NEMP2: variants seen among roughly 807,000 people sequenced by gnomAD.
NEMP2 encodes nuclear envelope integral membrane protein 2.
Under a neutral mutation model 54.2 loss-of-function variants are expected in NEMP2, and 53 were observed. The ratio of observed to expected loss-of-function variants is 0.98; its 90% CI spans 0.78 to 1.23. NEMP2 has a LOEUF of 1.23. Among genes scored for constraint, NEMP2 ranks in the 50% most tolerant of loss-of-function variants. The pLI is 0.00. For missense variants in NEMP2, 455 were observed against 511.3 expected (o/e 0.89, Z 1.06); for synonymous variants, 197 against 190.3 (o/e 1.04, Z -0.29).
the NEMP2 span, among the ~76,000 whole-genome samples, chr2:190,455,709 C>T: frequency 1.1e-4 from 16 of 150,676 alleles, no homozygotes; most frequent in African/African-American, 3.2e-4. Context: ...AGGGTGGGCA[C>T]GGTGCAGGGG....
chr2:190,490,549 C>T, the NEMP2 span, among the ~76,000 whole-genome samples: 5 of 149,928 alleles, frequency 3.3e-5, no homozygotes, highest in African/African-American at 9.8e-5. The surrounding 1 kb of genome is among the most constrained non-coding windows in gnomAD (Gnocchi z 4.5). Context: ...GGGGAACGAG[C>T]AAGACTCCCT....
the NEMP2 span, among the ~76,000 whole-genome samples, chr2:190,648,058 T>C: frequency 6.6e-6 from 1 of 152,228 alleles, no homozygotes; most frequent in African/African-American, 2.4e-5. Flanking sequence ...GCAAAGTTTA[T>C]GCAAACCAAA....
At chr2:190,600,378 TTATTTGTCTGGCGTGTGC>T in the NEMP2 span, among the ~76,000 whole-genome samples, 54 of 152,082 alleles carry the variant, frequency 3.6e-4, no homozygotes, top group Non-Finnish European at 5.9e-5. This position sits in a 1 kb window ranked among gnomAD's most constrained non-coding sequence, Gnocchi z 4.9. Context: ...AGACTAGAAA[TTATTTGTCTGGCGTGTGC>T]TATTGTTTGA....
chr2:190,466,554 G>A, the NEMP2 span, among the ~76,000 whole-genome samples: 1 of 152,118 alleles, frequency 6.6e-6, no homozygotes, highest in East Asian at 1.9e-4. Flanking sequence ...TATTTACTTG[G>A]ATACTTTTCC....
downstream of NEMP2, chr2:190,504,195 G>T (rs10209172): frequency 6.6e-6 from 1 of 152,040 alleles, no homozygotes; most frequent in Middle Eastern, 3.4e-3. This position sits in a 1 kb window ranked among gnomAD's most constrained non-coding sequence, Gnocchi z 5.6. Flanking sequence ...TCTGTAAAAC[G>T]GAAGTGATTA....
the NEMP2 span, among the ~76,000 whole-genome samples, chr2:190,451,171 G>A: frequency 6.6e-6 from 1 of 152,164 alleles, no homozygotes; most frequent in Admixed American, 6.5e-5. The surrounding 1 kb of genome is among the most constrained non-coding windows in gnomAD (Gnocchi z 5.0). Context: ...ATATGTACAT[G>A]TGTGCATTTG....
In NEMP2 at chr2:190,521,786, A is replaced by T. The variant is rs142064950; in HGVS notation, c.214-2603T>A. 2.5e-3 allele frequency among the ~76,000 whole-genome samples: 378 copies of T among 152,016 alleles called. 2 individuals are homozygous for T. The highest frequency in any genetic ancestry group is 0.019 in the Admixed American group (287 of 15,278). On this transcript the variant is annotated intron_variant, in intron 2 of 8. Transcript: ENST00000409150. The surrounding 1 kb of genome is among the most constrained non-coding windows in gnomAD (Gnocchi z 6.2). Reference sequence around the variant, plus strand: ...TCAACAGCACTTGGCATTGCTGATTATTCCCTTCTCCTTATTATACTTCTC... The same window carrying T: ...TCAACAGCACTTGGCATTGCTGATTTTTCCCTTCTCCTTATTATACTTCTC...
intron 1 of NEMP2, among the ~76,000 whole-genome samples, chr2:190,526,443 A>T (rs528328624): frequency 6.6e-6 from 1 of 152,358 alleles, no homozygotes; most frequent in South Asian, 2.1e-4. Flanking sequence ...GAAGTGACAG[A>T]AACACATTTG....
At chr2:190,607,455 T>C in the NEMP2 span, among the ~76,000 whole-genome samples, 2 of 152,108 alleles carry the variant, frequency 1.3e-5, no homozygotes, top group Non-Finnish European at 2.9e-5. The surrounding 1 kb of genome is among the most constrained non-coding windows in gnomAD (Gnocchi z 5.2). Context: ...TGGGCAGAAC[T>C]GAAGCATCAT....
chr2:190,644,519 A>C, the NEMP2 span, among the ~76,000 whole-genome samples: 3 of 152,238 alleles, frequency 2.0e-5, no homozygotes. This position sits in a 1 kb window ranked among gnomAD's most constrained non-coding sequence, Gnocchi z 4.4. Flanking sequence ...AAGCACAAAA[A>C]AAATTATTCT....
chr2:190,631,787 G>A, the NEMP2 span, among the ~76,000 whole-genome samples: 1 of 152,204 alleles, frequency 6.6e-6, no homozygotes, highest in East Asian at 1.9e-4. Flanking sequence ...TGGGCATGGT[G>A]GCTCATGCCT....
At chr2:190,571,994 C>T in the NEMP2 span, among the ~76,000 whole-genome samples, 3 of 152,106 alleles carry the variant, frequency 2.0e-5, no homozygotes, top group African/African-American at 7.2e-5. Context: ...AGTTATGCTC[C>T]CTAATCATTT....
At chr2:190,642,761 T>A in the NEMP2 span, among the ~76,000 whole-genome samples, 8 of 152,254 alleles carry the variant, frequency 5.3e-5, 1 homozygote, top group African/African-American at 1.9e-4. The surrounding 1 kb of genome is among the most constrained non-coding windows in gnomAD (Gnocchi z 4.1). Flanking sequence ...GAGGCAATAA[T>A]AGACGAGAAT....
In NEMP2 at chr2:190,520,617, C is replaced by T. The variant is rs1404983569; in HGVS notation, c.214-1434G>A. Among the ~76,000 whole-genome samples, 1 of 152,188 alleles carries T rather than the reference C, an allele frequency of 6.6e-6. No individual in the cohort carries two copies. Among genetic ancestry groups the T allele is most frequent in the Non-Finnish European group, 1.5e-5 (1 of 68,028 alleles). On this transcript the variant is annotated intron_variant, in intron 2 of 8. Transcript: ENST00000409150. This position sits in a 1 kb window ranked among gnomAD's most constrained non-coding sequence, Gnocchi z 5.4. ...TTCCTGTCATTCTTCTTAGGTATTTCAGTATGTACAATATACACACCAATC... is the reference window on the plus strand; with the variant it reads ...TTCCTGTCATTCTTCTTAGGTATTTTAGTATGTACAATATACACACCAATC...
chr2:190,462,767 T>C, the NEMP2 span, among the ~76,000 whole-genome samples: 1 of 152,086 alleles, frequency 6.6e-6, no homozygotes, highest in Admixed American at 6.5e-5. This position sits in a 1 kb window ranked among gnomAD's most constrained non-coding sequence, Gnocchi z 5.7. Context: ...AGTCATATCT[T>C]GGAAAAAGGG....
chr2:190,592,009 A>G, the NEMP2 span, among the ~76,000 whole-genome samples: 1 of 152,198 alleles, frequency 6.6e-6, no homozygotes. The surrounding 1 kb of genome is among the most constrained non-coding windows in gnomAD (Gnocchi z 4.4). Context: ...TCTTCTTGCA[A>G]TTAAAAAAGA....
At chr2:190,638,594 T>A in the NEMP2 span, among the ~76,000 whole-genome samples, 1 of 152,110 alleles carries the variant, frequency 6.6e-6, no homozygotes, top group Admixed American at 6.5e-5. This position sits in a 1 kb window ranked among gnomAD's most constrained non-coding sequence, Gnocchi z 5.7. Context: ...CCGGAAAAGA[T>A]ATTGTAAAGC....
At chr2:190,490,056 T>A in the NEMP2 span, among the ~76,000 whole-genome samples, 5 of 151,930 alleles carry the variant, frequency 3.3e-5, no homozygotes, top group African/African-American at 1.2e-4. The surrounding 1 kb of genome is among the most constrained non-coding windows in gnomAD (Gnocchi z 4.5). Context: ...GAAAAAATAT[T>A]GTTTTAAGTA....
At position 190,527,210 on chromosome 2, in the gene NEMP2, AG is replaced by A. The variant is rs1690971723; in HGVS notation, c.98-1833del. Reference sequence around the variant, plus strand: ...CTCCTGAAAAACCTGAAATGAAGCTAGAACAACTTGCTACACCAAAGTTGGG... The same window carrying A: ...CTCCTGAAAAACCTGAAATGAAGCTAAACAACTTGCTACACCAAAGTTGGG... On this transcript the variant is annotated intron_variant, in intron 1 of 8. Coordinates refer to ENST00000409150, the MANE Select transcript of NEMP2 (RefSeq NM_001142645.2). This position sits in a 1 kb window ranked among gnomAD's most constrained non-coding sequence, Gnocchi z 4.0. Among the ~76,000 whole-genome samples the A allele has an allele frequency of 6.6e-6, 1 of 152,214 alleles. No homozygotes were observed. Among genetic ancestry groups the A allele is most frequent in the South Asian group, 2.1e-4 (1 of 4,832 alleles).
Sources: gnomAD v4.1 joint callset for allele counts (sites outside exome capture counted in the v4.1 genomes callset) on GRCh38, gnomAD v4.1.1 for gene constraint, Gnocchi (gnomAD v3.1) non-coding constraint, MANE v1.5 for transcripts, NCBI Gene and HGNC (gene_info 2026-07-23, HGNC 2026-07-21) for gene names.